ARHGAP6: variants seen among roughly 807,000 people sequenced by gnomAD.
ARHGAP6 encodes Rho GTPase activating protein 6, also known as rho GTPase-activating protein 6.
A neutral mutation model predicts 55.7 loss-of-function variants in ARHGAP6; 16 were observed. The ratio of observed to expected loss-of-function variants is 0.29; its 90% CI spans 0.19 to 0.44. The LOEUF is 0.44. Ranked by LOEUF, ARHGAP6 falls within the 20% of genes least tolerant of loss-of-function variation. The pLI is 1.00. For synonymous variants in ARHGAP6, 382 were observed against 360.9 expected (o/e 1.06, Z -0.66); for missense variants, 698 against 808.9 (o/e 0.86, Z 1.66).
chrX:11,177,062 G>A (rs746297595), intron 8 of ARHGAP6, among the ~76,000 whole-genome samples: 1 of 111,954 alleles, frequency 8.9e-6, no homozygotes, highest in Non-Finnish European at 1.9e-5. Flanking sequence ...TTACAAAAAA[G>A]TTTCTGTGGT....
chrX:11,548,734 G>A (rs1438642308), intron 1 of ARHGAP6, among the ~76,000 whole-genome samples: 6 of 110,217 alleles, frequency 5.4e-5, no homozygotes, highest in Admixed American at 9.7e-5. Flanking sequence ...TCAGCCTCCC[G>A]AGTAGCTGGG....
intron 1 of ARHGAP6, among the ~76,000 whole-genome samples, chrX:11,268,696 T>TA (rs397840237): frequency 3.9e-5 from 4 of 102,759 alleles, no homozygotes; most frequent in South Asian, 8.3e-4. Context: ...GCAACCTGCA[T>TA]AGCCATGTGT....
chrX:11,412,791 C>A (rs1343071978), intron 1 of ARHGAP6, among the ~76,000 whole-genome samples: 1 of 112,173 alleles, frequency 8.9e-6, no homozygotes, highest in Non-Finnish European at 1.9e-5. Flanking sequence ...AATATTGTTC[C>A]CGAATTGTCT....
intron 1 of ARHGAP6, among the ~76,000 whole-genome samples, chrX:11,466,310 A>G (rs763984022): frequency 3.9e-4 from 44 of 111,649 alleles, no homozygotes; most frequent in Non-Finnish European, 7.3e-4. Context: ...AAAATGACAC[A>G]AGTCTAAGCC....
intron 2 of ARHGAP6, among the ~76,000 whole-genome samples, chrX:11,227,563 A>T (rs1468001072): frequency 9.1e-6 from 1 of 110,363 alleles, no homozygotes; most frequent in Non-Finnish European, 1.9e-5. Flanking sequence ...CCCCTTTCTA[A>T]AATGCTTCCT....
chrX:11,158,333 C>T (rs1569234633), intron 9 of ARHGAP6, among the ~76,000 whole-genome samples: 1 of 111,302 alleles, frequency 9.0e-6, no homozygotes, highest in East Asian at 2.8e-4. Context: ...CTGATGATTG[C>T]GCTGACAATT....
At chrX:11,575,714 T>C (rs1485913422) in intron 1 of ARHGAP6, among the ~76,000 whole-genome samples, 4 of 112,116 alleles carry the variant, frequency 3.6e-5, no homozygotes, top group Admixed American at 1.9e-4. Flanking sequence ...GGAGAGAATT[T>C]GGCAACTTTG....
At chrX:11,386,470 G>A (rs769462875) in intron 1 of ARHGAP6, among the ~76,000 whole-genome samples, 1 of 111,439 alleles carries the variant, frequency 9.0e-6, no homozygotes, top group African/African-American at 3.3e-5. Context: ...TTGTGGGAAG[G>A]GGAGAGGTGA....
chrX:11,552,575 T>TATATATATAC (rs2051279064), intron 1 of ARHGAP6, among the ~76,000 whole-genome samples: 1 of 58,752 alleles, frequency 1.7e-5, no homozygotes, highest in Non-Finnish European at 3.1e-5. Flanking sequence ...TATATATATA[T>TATATATATAC]ATATATATAT....
chrX:11,571,712 T>C (rs2051519963), intron 1 of ARHGAP6, among the ~76,000 whole-genome samples: 1 of 102,002 alleles, frequency 9.8e-6, no homozygotes, highest in African/African-American at 3.6e-5. Context: ...GTATATTAAA[T>C]AATAATAATA....
intron 1 of ARHGAP6, among the ~76,000 whole-genome samples, chrX:11,405,311 C>T (rs1223514744): frequency 1.8e-5 from 2 of 111,994 alleles, no homozygotes; most frequent in African/African-American, 6.5e-5. Context: ...TTTCTCCATC[C>T]TTAGTTCTCA....
chrX:11,621,187 G>C (rs1173850914), intron 1 of ARHGAP6, among the ~76,000 whole-genome samples: 1 of 111,986 alleles, frequency 8.9e-6, no homozygotes, highest in African/African-American at 3.2e-5. Flanking sequence ...GAGAGCAAGA[G>C]ACAGAAGAAC....
rs1010558343 is a variant in ARHGAP6 at position 11,294,723 on chromosome X, T to C, written c.589-40016A>G. The C allele has an allele frequency of 4.5e-6, 5 of 1,117,779 alleles. No homozygotes were observed. The African/African-American group carries it at 7.2e-5, about 16-fold the overall frequency. The allele number at this position is 1,117,779 out of a possible 1,213,427, so 92.1% of individuals were successfully genotyped here. ...TTATGTGTGTTTTATGGAGCATTCA[T>C]TACATCCATGTTTCAGAAGAGATAA... On this transcript the variant is annotated intron_variant, in intron 1 of 12. Coordinates refer to ENST00000337414, the MANE Select transcript of ARHGAP6 (RefSeq NM_013427.3).
At chrX:11,572,378 C>G (rs2051533137) in intron 1 of ARHGAP6, among the ~76,000 whole-genome samples, 1 of 109,360 alleles carries the variant, frequency 9.1e-6, no homozygotes, top group Non-Finnish European at 1.9e-5. Context: ...GTGATGTTCC[C>G]CTTCCTGTGT....
At chrX:11,182,879 T>C (rs1390809841) in intron 5 of ARHGAP6, among the ~76,000 whole-genome samples, 2 of 110,787 alleles carry the variant, frequency 1.8e-5, no homozygotes, top group Non-Finnish European at 3.8e-5. Flanking sequence ...ACCTCCAAAA[T>C]TGCTGAGATT....
chrX:11,510,699 G>A (rs1211887488), intron 1 of ARHGAP6, among the ~76,000 whole-genome samples: 1 of 111,396 alleles, frequency 9.0e-6, no homozygotes, highest in African/African-American at 3.3e-5. Flanking sequence ...AGTGATGGCC[G>A]TTTTAAGCCA....
chrX:11,619,907 C>G (rs1251204570), intron 1 of ARHGAP6, among the ~76,000 whole-genome samples: 1 of 112,071 alleles, frequency 8.9e-6, no homozygotes, highest in Non-Finnish European at 1.9e-5. Context: ...CCAGCAAGGT[C>G]TAAGCCTCCT....
At chrX:11,174,619 TTTCTTTTCTTTC>T (rs1477541015) in intron 8 of ARHGAP6, among the ~76,000 whole-genome samples, 4 of 63,145 alleles carry the variant, frequency 6.3e-5, no homozygotes, top group Admixed American at 1.9e-4. Context: ...TTTCTTTCTC[TTTCTTTTCTTTC>T]TTTCTTTCTT....
chrX:11,150,872 C>A (rs191032658), intron 10 of ARHGAP6, among the ~76,000 whole-genome samples: 1 of 112,586 alleles, frequency 8.9e-6, no homozygotes, highest in East Asian at 2.8e-4. Context: ...TATGACTAAG[C>A]ATGGCTAGTC....
Sources: gnomAD v4.1 joint callset for allele counts (sites outside exome capture counted in the v4.1 genomes callset) on GRCh38, gnomAD v4.1.1 for gene constraint, MANE v1.5 for transcripts, NCBI Gene and HGNC (gene_info 2026-07-23, HGNC 2026-07-21) for gene names.